Variants in SNAP25 observed in about 807,000 individuals in gnomAD.
The protein encoded by SNAP25 is synaptosomal-associated protein 25.
SNAP25 carries 3 observed loss-of-function variants against 28.7 expected under a neutral mutation model. That is an observed-to-expected ratio of 0.10 (90% CI 0.05 to 0.27). SNAP25 has a LOEUF of 0.27. SNAP25 is among the 10% of genes least tolerant of loss of function. The pLI is 1.00. For synonymous variants in SNAP25, 61 were observed against 88.1 expected, an observed-to-expected ratio of 0.69 and a Z score of 1.72; for missense variants, 117 against 278.7, an observed-to-expected ratio of 0.42 and a Z score of 4.13.
At chr20:10,304,183 A>C (rs796107753) in intron 7 of SNAP25, among the ~76,000 whole-genome samples, 35 of 152,332 alleles carry the variant, frequency 2.3e-4, no homozygotes, top group African/African-American at 8.4e-4. Flanking sequence ...ATTTATTAGT[A>C]CTAAGACTTC....
At chr20:10,242,289 C>T (rs2063048804) in intron 1 of SNAP25, among the ~76,000 whole-genome samples, 1 of 152,148 alleles carries the variant, frequency 6.6e-6, no homozygotes, top group Admixed American at 6.5e-5. Context: ...CCCAGAGGAG[C>T]CCTGGAGTGT....
At chr20:10,271,909 A>AT (rs2063600015) in intron 1 of SNAP25, among the ~76,000 whole-genome samples, 1 of 151,980 alleles carries the variant, frequency 6.6e-6, no homozygotes, top group South Asian at 2.1e-4. Flanking sequence ...GAAGATACAC[A>AT]TTTCCCCCCC....
At chr20:10,236,296 A>G (rs1219043019) in intron 1 of SNAP25, among the ~76,000 whole-genome samples, 1 of 152,206 alleles carries the variant, frequency 6.6e-6, no homozygotes, top group Non-Finnish European at 1.5e-5. Context: ...CTAAGGAATC[A>G]TAGACCCAGG....
chr20:10,250,624 G>A (rs2063209631), intron 1 of SNAP25, among the ~76,000 whole-genome samples: 1 of 152,176 alleles, frequency 6.6e-6, no homozygotes, highest in Admixed American at 6.5e-5. Flanking sequence ...GGACTCTCCT[G>A]TAAGTATTAA....
At chr20:10,279,691 C>T (rs1057094739) in intron 3 of SNAP25, among the ~76,000 whole-genome samples, 1 of 152,274 alleles carries the variant, frequency 6.6e-6, no homozygotes, top group Non-Finnish European at 1.5e-5. Flanking sequence ...GTAGGATTCT[C>T]GAATCATATG....
chr20:10,249,698 C>G (rs921838894), intron 1 of SNAP25, among the ~76,000 whole-genome samples: 2 of 152,042 alleles, frequency 1.3e-5, no homozygotes, highest in African/African-American at 4.8e-5. Context: ...GATTCTAAAC[C>G]CCACCACAGG....
chr20:10,241,110 G>A (rs1005316172), intron 1 of SNAP25, among the ~76,000 whole-genome samples: 1 of 152,128 alleles, frequency 6.6e-6, no homozygotes, highest in East Asian at 1.9e-4. Flanking sequence ...GGGCCGACAT[G>A]GGCTTTCCTG....
Position 10,226,364 on chromosome 20 carries a change from T to G in SNAP25, c.-64+7387T>G, listed in dbSNP as rs151050524. Among the ~76,000 whole-genome samples, 1,510 of 152,306 alleles carry G rather than the reference T, an allele frequency of 9.9e-3. 15 individuals carry two copies. Among genetic ancestry groups the G allele is most frequent in the South Asian group, 0.04 (192 of 4,826 alleles). On this transcript the variant is annotated intron_variant, in intron 1 of 7. Transcript: ENST00000254976. ...GCTGAATGTATCTACTTTTTCCAAT[T>G]CCATGATCACTGCCCATGTATTGCT...
intron 1 of SNAP25, among the ~76,000 whole-genome samples, chr20:10,221,575 A>G (rs2062635009): frequency 6.6e-6 from 1 of 152,332 alleles, no homozygotes; most frequent in Admixed American, 6.5e-5. Context: ...CATTTACTGC[A>G]TTACCACCTC....
At chr20:10,291,721 T>C (rs2064002381) in intron 4 of SNAP25, among the ~76,000 whole-genome samples, 1 of 152,212 alleles carries the variant, frequency 6.6e-6, no homozygotes, top group South Asian at 2.1e-4. Context: ...GCCCTTAGGC[T>C]GGAAATGTAC....
chr20:10,298,659 A>G (rs2064165452), intron 6 of SNAP25, among the ~76,000 whole-genome samples: 1 of 152,202 alleles, frequency 6.6e-6, no homozygotes, highest in Non-Finnish European at 1.5e-5. Context: ...ATATGAGTAA[A>G]TAAAAATCAT....
chr20:10,275,688 CT>C (rs1568609691), intron 2 of SNAP25, 125 bp downstream of exon 2: 1 of 690,034 alleles, frequency 1.4e-6, no homozygotes, highest in African/African-American at 1.8e-5. Flanking sequence ...AGTAATATGA[CT>C]TTGATTTTCT....
At chr20:10,302,955 A>G (rs1231027023) in intron 7 of SNAP25, among the ~76,000 whole-genome samples, 1 of 152,166 alleles carries the variant, frequency 6.6e-6, no homozygotes, top group Non-Finnish European at 1.5e-5. Flanking sequence ...TCCTTTAAGG[A>G]TATACAGAGT....
intron 1 of SNAP25, among the ~76,000 whole-genome samples, chr20:10,271,528 C>A (rs1181033422): frequency 6.6e-6 from 1 of 152,182 alleles, no homozygotes; most frequent in Non-Finnish European, 1.5e-5. Flanking sequence ...CTGGGGGAAC[C>A]GTGAAAGTGA....
At chr20:10,264,787 T>A (rs531611001) in intron 1 of SNAP25, among the ~76,000 whole-genome samples, 1 of 152,328 alleles carries the variant, frequency 6.6e-6, no homozygotes, top group Admixed American at 6.5e-5. Context: ...AAGAAGGACC[T>A]GTGGTTGTTG....
intron 1 of SNAP25, among the ~76,000 whole-genome samples, chr20:10,261,351 C>A (rs757718728): frequency 7.2e-5 from 11 of 152,132 alleles, no homozygotes; most frequent in African/African-American, 2.4e-4. Context: ...CACTTCTATT[C>A]CCTGAGCCAC....
At chr20:10,270,464 C>T (rs918878545) in intron 1 of SNAP25, among the ~76,000 whole-genome samples, 4 of 152,162 alleles carry the variant, frequency 2.6e-5, no homozygotes, top group Non-Finnish European at 5.9e-5. Flanking sequence ...TTTGGGAGGC[C>T]AAGGCAGGTG....
intron 1 of SNAP25, among the ~76,000 whole-genome samples, chr20:10,245,577 G>A (rs561182507): frequency 6.6e-6 from 1 of 152,338 alleles, no homozygotes; most frequent in Admixed American, 6.5e-5. Context: ...GGGGCAGTGT[G>A]GGTTTCAAAG....
chr20:10,223,023 C>T (rs1217419823), intron 1 of SNAP25, among the ~76,000 whole-genome samples: 2 of 152,124 alleles, frequency 1.3e-5, no homozygotes, highest in Non-Finnish European at 1.5e-5. Context: ...TGTGAATATT[C>T]AGCATTGTCA....
Sources: gnomAD v4.1 joint callset for allele counts (sites outside exome capture counted in the v4.1 genomes callset) on GRCh38, gnomAD v4.1.1 for gene constraint, MANE v1.5 for transcripts, NCBI Gene and HGNC (gene_info 2026-07-23, HGNC 2026-07-21) for gene names.